The following MTMR3 variants were observed in gnomAD, a reference collection of about 807,000 sequenced individuals.
MTMR3 encodes myotubularin related protein 3.
A neutral mutation model predicts 132.4 loss-of-function variants in MTMR3; 32 were observed. The observed-to-expected ratio is 0.24, with a 90% CI of 0.18 to 0.32. MTMR3 has a LOEUF of 0.32. Ranked by LOEUF, MTMR3 falls within the 10% of genes least tolerant of loss-of-function variation. MTMR3 has a pLI of 1.00. For missense variants in MTMR3, 1,216 were observed against 1,489.6 expected (o/e 0.82, Z 3.02); for synonymous variants, 556 against 550.3 (o/e 1.01, Z -0.14).
chr22:29,983,154 T>C (rs1342842710), intron 5 of MTMR3: 1 of 152,214 alleles, frequency 6.6e-6, no homozygotes, highest in African/African-American at 2.4e-5. Context: ...CTTTTCCTCT[T>C]ACTGGACCAA....
In MTMR3 at chr22:29,883,276, C is replaced by G. The variant is rs1354707798; in HGVS notation, c.-221C>G. Reference sequence around the variant, plus strand: ...ACGTCCCAGCGGCTCAGGCGCTGCCCAGCGCCGGCCCTGGCAGGGAGCCTG... The same window carrying G: ...ACGTCCCAGCGGCTCAGGCGCTGCCGAGCGCCGGCCCTGGCAGGGAGCCTG... On this transcript the variant is annotated 5_prime_UTR_variant, in exon 1 of 20. Transcript: ENST00000401950. 3 of 154,256 alleles carry G rather than the reference C, an allele frequency of 1.9e-5. No individual in the cohort carries two copies. The highest frequency in any genetic ancestry group is 1.9e-4 in the East Asian group (1 of 5,230). The allele number at this position is 154,256 out of a possible 1,614,324, so 9.6% of individuals were successfully genotyped here.
At chr22:29,909,070 C>G (rs1260486223) in intron 1 of MTMR3, among the ~76,000 whole-genome samples, 1 of 151,360 alleles carries the variant, frequency 6.6e-6, no homozygotes, top group Non-Finnish European at 1.5e-5. Flanking sequence ...CTTCCAGGCT[C>G]CCACGACCTT....
chr22:29,942,592 C>G (rs1006560175), intron 1 of MTMR3, among the ~76,000 whole-genome samples: 2 of 152,092 alleles, frequency 1.3e-5, no homozygotes, highest in Non-Finnish European at 2.9e-5. Flanking sequence ...TCCGCTACGA[C>G]CGTAAAAGAT....
intron 1 of MTMR3, among the ~76,000 whole-genome samples, chr22:29,884,806 C>T (rs2064637019): frequency 6.6e-6 from 1 of 152,100 alleles, no homozygotes; most frequent in Admixed American, 6.6e-5. Flanking sequence ...TCAAGTGATC[C>T]GCTTGCGTTG....
At chr22:29,996,557 AT>A (rs1315433516) in intron 7 of MTMR3, 8 of 152,238 alleles carry the variant, frequency 5.3e-5, no homozygotes, top group African/African-American at 1.2e-4. Flanking sequence ...CACAAAAAAA[AT>A]AAATCATTAA....
chr22:29,935,561 G>A (rs2065731991), intron 1 of MTMR3, among the ~76,000 whole-genome samples: 1 of 152,116 alleles, frequency 6.6e-6, no homozygotes. Context: ...AAAACGAGAC[G>A]TCATATTTCT....
chr22:29,990,316 C>G (rs1273600593), intron 6 of MTMR3: 1 of 152,170 alleles, frequency 6.6e-6, no homozygotes, highest in Non-Finnish European at 1.5e-5. Flanking sequence ...CAAGTTTTTA[C>G]TGCATTCCTC....
chr22:29,910,114 A>G (rs900110284), intron 1 of MTMR3, among the ~76,000 whole-genome samples: 5 of 149,564 alleles, frequency 3.3e-5, no homozygotes, highest in Admixed American at 3.3e-4. Flanking sequence ...CAGTGAGCCG[A>G]GATTGTGCCA....
intron 10 of MTMR3, chr22:30,007,596 G>C (rs2067300387): frequency 1.8e-6 from 1 of 559,696 alleles, no homozygotes; most frequent in Admixed American, 3.2e-5. Context: ...AGTATCTGCA[G>C]ACCATGGCAG....
At chr22:30,021,909 T>A in intron 17 of MTMR3, 120 bp from the exon 18 acceptor site, 1 of 712,040 alleles carries the variant, frequency 1.4e-6, no homozygotes, top group South Asian at 1.7e-5. Flanking sequence ...ATCTGCAGAT[T>A]CGGCAGTCCT....
At chr22:29,945,940 A>G (rs747313006) in intron 1 of MTMR3, among the ~76,000 whole-genome samples, 12 of 152,160 alleles carry the variant, frequency 7.9e-5, no homozygotes, top group Non-Finnish European at 1.5e-4. Flanking sequence ...TTGAAGGACT[A>G]CGACAGGGAG....
chr22:29,968,427 A>G (rs1332533043), intron 2 of MTMR3, among the ~76,000 whole-genome samples: 2 of 152,206 alleles, frequency 1.3e-5, no homozygotes, highest in African/African-American at 2.4e-5. Flanking sequence ...AGTTTTTTAA[A>G]AGTAATTCAG....
At chr22:29,934,893 G>A (rs1300678521) in intron 1 of MTMR3, among the ~76,000 whole-genome samples, 2 of 152,176 alleles carry the variant, frequency 1.3e-5, no homozygotes, top group East Asian at 3.8e-4. Flanking sequence ...TTTAAAGTAT[G>A]AAAATAATGG....
At chr22:29,955,232 G>C (rs1272410901) in intron 1 of MTMR3, among the ~76,000 whole-genome samples, 1 of 152,158 alleles carries the variant, frequency 6.6e-6, no homozygotes, top group East Asian at 1.9e-4. Flanking sequence ...TGATCCTCCT[G>C]CCTCAGCCTC....
intron 1 of MTMR3, among the ~76,000 whole-genome samples, chr22:29,948,949 T>G (rs1438383010): frequency 1.3e-5 from 2 of 150,974 alleles, no homozygotes; most frequent in Non-Finnish European, 2.9e-5. Flanking sequence ...ACAGTAAAAA[T>G]GAGCCGGGCA....
At chr22:29,928,122 C>T (rs565902116) in intron 1 of MTMR3, among the ~76,000 whole-genome samples, 1 of 150,666 alleles carries the variant, frequency 6.6e-6, no homozygotes, top group Non-Finnish European at 1.5e-5. Flanking sequence ...CATTTTTAAT[C>T]CCGTTCTTTT....
chr22:29,887,697 T>C (rs1406828213), intron 1 of MTMR3, among the ~76,000 whole-genome samples: 2 of 152,198 alleles, frequency 1.3e-5, no homozygotes, highest in African/African-American at 2.4e-5. Context: ...CATTTTCTTA[T>C]GTTGGAGCAG....
intron 2 of MTMR3, among the ~76,000 whole-genome samples, chr22:29,961,859 C>G (rs977918710): frequency 7.9e-5 from 12 of 152,160 alleles, no homozygotes; most frequent in African/African-American, 2.9e-4. Context: ...TGTATCTTCT[C>G]TGTTTATGTA....
intron 3 of MTMR3, chr22:29,978,239 G>T: frequency 5.0e-6 from 2 of 403,630 alleles, no homozygotes; most frequent in African/African-American, 2.0e-5. Flanking sequence ...CATTTTTTTT[G>T]CATCAATGTG....
Sources: gnomAD v4.1 joint callset for allele counts (sites outside exome capture counted in the v4.1 genomes callset) on GRCh38, gnomAD v4.1.1 for gene constraint, MANE v1.5 for transcripts, NCBI Gene and HGNC (gene_info 2026-07-23, HGNC 2026-07-21) for gene names.